Variants in FSTL5 observed in about 807,000 individuals in gnomAD.
FSTL5 encodes follistatin-related protein 5.
A neutral mutation model predicts 89.1 loss-of-function variants in FSTL5; 62 were observed. The observed-to-expected ratio is 0.70, with a 90% CI of 0.57 to 0.86. The LOEUF is 0.86. FSTL5 is among the 40% of genes least tolerant of loss of function. The probability of loss-of-function intolerance (pLI) is 0.00; values close to 1 mark genes in which losing one functional copy is unlikely to be tolerated. For synonymous variants in FSTL5, 383 were observed against 346.2 expected (o/e 1.11, Z -1.18); for missense variants, 1,057 against 1,001.6 (o/e 1.06, Z -0.75).
chr4:161,414,840 C>T (rs1731716304), intron 15 of FSTL5, among the ~76,000 whole-genome samples: 1 of 152,164 alleles, frequency 6.6e-6, no homozygotes, highest in South Asian at 2.1e-4. Flanking sequence ...GTGAAAAACA[C>T]ATGTTCTGGA....
intron 6 of FSTL5, among the ~76,000 whole-genome samples, chr4:161,673,553 A>G (rs1166527559): frequency 1.3e-5 from 2 of 152,072 alleles, no homozygotes; most frequent in African/African-American, 4.8e-5. Flanking sequence ...CAAATCAAAC[A>G]GTTATTTTCG....
chr4:162,048,590 TATACAC>T (rs1264450314), intron 2 of FSTL5, among the ~76,000 whole-genome samples: 2 of 76,236 alleles, frequency 2.6e-5, no homozygotes, highest in African/African-American at 1.2e-4. Context: ...TTAATACCAT[TATACAC>T]ATACACACAC....
intron 4 of FSTL5, among the ~76,000 whole-genome samples, chr4:161,804,502 C>G (rs1467852705): frequency 2.0e-5 from 3 of 148,088 alleles, no homozygotes; most frequent in Non-Finnish European, 3.0e-5. Context: ...TAAACAATTT[C>G]CTATATGATC....
At chr4:161,854,207 T>A (rs1731648291) in intron 4 of FSTL5, among the ~76,000 whole-genome samples, 1 of 152,164 alleles carries the variant, frequency 6.6e-6, no homozygotes, top group African/African-American at 2.4e-5. Flanking sequence ...TGATCGGGTA[T>A]ATTTTTCACT....
chr4:161,835,088 C>G lies in FSTL5; in HGVS notation c.410-59014G>C, dbSNP rs1023529405. On this transcript the variant is annotated intron_variant, in intron 4 of 15. Transcript: ENST00000306100. ...CTACAGTAACCAAAACAGCATGGTACTGGTACCAAAACAGAGATATAGATC... is the reference window on the plus strand; with the variant it reads ...CTACAGTAACCAAAACAGCATGGTAGTGGTACCAAAACAGAGATATAGATC... Among the ~76,000 whole-genome samples, 10 of 147,356 alleles carry G rather than the reference C, an allele frequency of 6.8e-5. 1 individual carries two copies. Among genetic ancestry groups the G allele is most frequent in the African/African-American group, 2.6e-4 (10 of 38,520 alleles).
At chr4:162,008,848 G>A (rs1407050269) in intron 3 of FSTL5, among the ~76,000 whole-genome samples, 1 of 151,788 alleles carries the variant, frequency 6.6e-6, no homozygotes, top group African/African-American at 2.4e-5. Flanking sequence ...TTGCTTTATG[G>A]TATTTTAAAT....
At chr4:161,403,617 T>C (rs1384422814) in intron 15 of FSTL5, among the ~76,000 whole-genome samples, 1 of 152,200 alleles carries the variant, frequency 6.6e-6, no homozygotes, top group African/African-American at 2.4e-5. Context: ...ACATATGTCT[T>C]CTCCAGCAAG....
chr4:162,077,747 G>T (rs982900727), intron 2 of FSTL5, among the ~76,000 whole-genome samples: 3 of 151,666 alleles, frequency 2.0e-5, no homozygotes, highest in Admixed American at 1.3e-4. Flanking sequence ...GATTTATAAG[G>T]CCAGTTTCAG....
chr4:162,121,236 C>T (rs1048124027), intron 1 of FSTL5, among the ~76,000 whole-genome samples: 4 of 148,496 alleles, frequency 2.7e-5, no homozygotes, highest in African/African-American at 9.9e-5. Context: ...ACAGAACAAA[C>T]CTTTACTAAA....
chr4:161,538,920 C>G (rs1030387690), intron 9 of FSTL5, among the ~76,000 whole-genome samples: 1 of 151,844 alleles, frequency 6.6e-6, no homozygotes, highest in Non-Finnish European at 1.5e-5. Context: ...CACTGCGCCA[C>G]CCCGGGCTAA....
At chr4:162,045,313 G>A (rs1285812067) in intron 2 of FSTL5, among the ~76,000 whole-genome samples, 1 of 152,066 alleles carries the variant, frequency 6.6e-6, no homozygotes, top group Non-Finnish European at 1.5e-5. Flanking sequence ...GTAACAGCCG[G>A]TCTGGCAGAG....
At chr4:161,949,174 C>T (rs1024972836) in intron 3 of FSTL5, among the ~76,000 whole-genome samples, 5 of 152,076 alleles carry the variant, frequency 3.3e-5, no homozygotes, top group African/African-American at 9.7e-5. Flanking sequence ...GTTCTTCTCC[C>T]GCTTTCATTT....
chr4:161,584,373 G>A (rs965015841), intron 8 of FSTL5, among the ~76,000 whole-genome samples: 14 of 152,136 alleles, frequency 9.2e-5, no homozygotes, highest in Non-Finnish European at 1.9e-4. Flanking sequence ...AGATCAGTCC[G>A]TCCTTCTGTG....
rs1008653803 is a variant in FSTL5 at position 161,620,468 on chromosome 4, A to G, written c.895-32893T>C. Reference sequence around the variant, plus strand: ...TCGGCATTTTGAAACCAACCTGACCACTATGGAGAAACCTCTTTTCTACTA... The same window carrying G: ...TCGGCATTTTGAAACCAACCTGACCGCTATGGAGAAACCTCTTTTCTACTA... On this transcript the variant is annotated intron_variant, in intron 7 of 15. Coordinates refer to ENST00000306100, the MANE Select transcript of FSTL5 (RefSeq NM_020116.5). Among the ~76,000 whole-genome samples, 20 of 152,282 alleles carry G rather than the reference A, an allele frequency of 1.3e-4. No individual in the cohort carries two copies. The East Asian group carries it at 3.5e-3, about 26-fold the overall frequency.
chr4:161,576,060 C>T (rs1417947939), intron 8 of FSTL5, among the ~76,000 whole-genome samples: 2 of 152,084 alleles, frequency 1.3e-5, no homozygotes, highest in African/African-American at 4.8e-5. Flanking sequence ...GAGTGAAATC[C>T]CATTCACAAT....
chr4:161,461,767 C>T (rs1401401139), intron 13 of FSTL5, among the ~76,000 whole-genome samples: 5 of 152,024 alleles, frequency 3.3e-5, no homozygotes, highest in African/African-American at 7.2e-5. Context: ...ACACTAATGA[C>T]AAAGCCATAA....
intron 4 of FSTL5, among the ~76,000 whole-genome samples, chr4:161,789,154 A>T (rs975846491): frequency 2.0e-5 from 3 of 152,122 alleles, no homozygotes; most frequent in Non-Finnish European, 2.9e-5. Context: ...GCTTAGTAAT[A>T]TTTTATTTTC....
chr4:161,651,827 G>A (rs1015010238), intron 7 of FSTL5, among the ~76,000 whole-genome samples: 2 of 152,136 alleles, frequency 1.3e-5, no homozygotes, highest in African/African-American at 4.8e-5. Context: ...ATGTCATAAT[G>A]GCTCCTGCAG....
intron 8 of FSTL5, among the ~76,000 whole-genome samples, chr4:161,572,228 A>C (rs1053119896): frequency 6.8e-5 from 10 of 147,670 alleles, no homozygotes; most frequent in African/African-American, 2.2e-4. Flanking sequence ...CTGAGGCAGG[A>C]GAATCGTTTG....
Sources: gnomAD v4.1 joint callset for allele counts (sites outside exome capture counted in the v4.1 genomes callset) on GRCh38, gnomAD v4.1.1 for gene constraint, MANE v1.5 for transcripts, NCBI Gene and HGNC (gene_info 2026-07-23, HGNC 2026-07-21) for gene names.